IFT140: variants seen among roughly 807,000 people sequenced by gnomAD.
The protein encoded by IFT140 is intraflagellar transport protein 140 homolog.
IFT140 carries 133 observed loss-of-function variants against 164.6 expected under a neutral mutation model. The ratio of observed to expected loss-of-function variants is 0.81; its 90% confidence interval spans 0.70 to 0.93. The LOEUF (loss-of-function observed/expected upper bound fraction) is 0.93, where lower values mean the gene tolerates loss of function less well. IFT140 is among the 40% of genes least tolerant of loss of function. The probability of loss-of-function intolerance (pLI) is 0.00; values close to 1 mark genes in which losing one functional copy is unlikely to be tolerated. For synonymous variants in IFT140, 860 were observed against 817.3 expected, an observed-to-expected ratio of 1.05 and a Z score of -0.89; for missense variants, 2,045 against 1,972.3, an observed-to-expected ratio of 1.04 and a Z score of -0.70.
intron 14 of IFT140, 27 bp downstream of exon 14, chr16:1,571,380 A>T (rs759468034): frequency 6.2e-7 from 1 of 1,606,126 alleles, no homozygotes; most frequent in South Asian, 1.1e-5. Context: ...AAAAATGTTC[A>T]CACTTCTATT....
In IFT140 at chr16:1,597,047, T is replaced by A. The variant is rs531350000; in HGVS notation, c.370-4459A>T. On this transcript the variant is annotated intron_variant, in intron 4 of 30. Transcript: ENST00000426508. ...GAAAGTGGCGTGCGCTGGATGAGCGTCTTGGGGGTGCATCACGGCATCAGA... is the reference window on the plus strand; with the variant it reads ...GAAAGTGGCGTGCGCTGGATGAGCGACTTGGGGGTGCATCACGGCATCAGA... Among the ~76,000 whole-genome samples, 31 of 152,124 alleles carry A rather than the reference T, an allele frequency of 2.0e-4. No homozygotes were observed. The East Asian group carries it at 6.0e-3, about 29-fold the overall frequency.
In IFT140 at chr16:1,516,508, G is replaced by T. The variant is rs994328615; in HGVS notation, c.4182+1708C>A. ...ACTAAGGCCAGGTGCGGTGGCTCAC[G>T]CCTGTAATCCCAGCACTTTGGGAGG... On this transcript the variant is annotated intron_variant, in intron 30 of 30. Transcript: ENST00000426508. 4.6e-5 allele frequency among the ~76,000 whole-genome samples: 7 copies of T among 152,086 alleles called. No homozygotes were observed. In the East Asian group the frequency reaches 5.8e-4, roughly 13 times the overall value.
intron 19 of IFT140, among the ~76,000 whole-genome samples, chr16:1,548,680 GC>G (rs2032377535): frequency 6.6e-6 from 1 of 152,224 alleles, no homozygotes; most frequent in African/African-American, 2.4e-5. Flanking sequence ...TTTAGGGCCA[GC>G]CCCAGCCCTG....
intron 6 of IFT140, among the ~76,000 whole-genome samples, chr16:1,590,971 A>C (rs1460706337): frequency 6.6e-6 from 1 of 152,176 alleles, no homozygotes. Context: ...CTAGAGGTGA[A>C]TTGTGACACC....
At chr16:1,541,523 G>C (rs1231582108) in intron 19 of IFT140, 2 of 984,772 alleles carry the variant, frequency 2.0e-6, no homozygotes, top group African/African-American at 3.5e-5. Flanking sequence ...TGGATGCTGT[G>C]AATTCAGTGA....
intron 19 of IFT140, chr16:1,534,487 A>T: frequency 6.2e-7 from 1 of 1,610,322 alleles, no homozygotes; most frequent in Non-Finnish European, 8.5e-7. Context: ...GTGGACGCAC[A>T]TGACTGTGAG....
intron 25 of IFT140, 30 bp downstream of exon 25, chr16:1,523,798 C>T: frequency 6.2e-7 from 1 of 1,609,030 alleles, no homozygotes; most frequent in African/African-American, 1.3e-5. Context: ...CTGCCCCTCC[C>T]CCAGGTCCCC....
rs762191941 is a variant in IFT140 at position 1,526,677 on chromosome 16, T to C, written c.2519A>G (p.Glu840Gly). The change falls in exon 20 of 31, where the codon GAG becomes GGG. Residue 840 changes from glutamate (E) to glycine (G), a missense_variant. Glu to Gly is a moderately conservative substitution (Grantham distance 98). Transcript: ENST00000426508. ...GCGGGCCTCTAGCTCCGGCTCCTGC[T>C]CCGCCTCACGCAGCGCTCGGGCCCC... ...ARGARALREA[E>G]QEPELEARVA... The C allele has an allele frequency of 5.0e-6, 8 of 1,600,624 alleles. No homozygotes were observed. The highest frequency in any genetic ancestry group is 6.8e-6 in the Non-Finnish European group (8 of 1,176,520).
In IFT140 at chr16:1,587,297, C is replaced by G. The variant is rs755311835; in HGVS notation, c.910G>C (p.Asp304His). ...AVGEAALRFW[D>H]IERGENYILS... The stretch of plus-strand genomic sequence containing the variant: ...ATATAATTCTCTCCTCGTTCTATGT[C>G]CCAGAATCTACAACAGAAGAAAGCA... The change falls in exon 9 of 31, where the codon GAC becomes CAC. Residue 304 changes from aspartate to histidine, a missense_variant. Asp to His is a moderately conservative substitution (Grantham distance 81, BLOSUM62 -1). Transcript: ENST00000426508. 6.2e-6 allele frequency: 10 copies of G among 1,607,634 alleles called. No individual in the cohort carries two copies. Among genetic ancestry groups the G allele is most frequent in the Non-Finnish European group, 8.5e-6 (10 of 1,174,284 alleles).
At chr16:1,534,313 T>C (rs201425887) in intron 19 of IFT140, 4 of 1,612,606 alleles carry the variant, frequency 2.5e-6, no homozygotes, top group Non-Finnish European at 3.4e-6. Context: ...GCCGTGCTGG[T>C]GGCCCTGGTC....
intron 24 of IFT140, 147 bp from the exon 25 acceptor site, chr16:1,524,103 G>A: frequency 9.6e-7 from 1 of 1,037,992 alleles, no homozygotes; most frequent in South Asian, 1.7e-5. Context: ...TTAAGGAGCT[G>A]ATGACTTACT....
chr16:1,594,866 T>C (rs2035373444), intron 4 of IFT140, among the ~76,000 whole-genome samples: 2 of 152,260 alleles, frequency 1.3e-5, no homozygotes, highest in Admixed American at 1.3e-4. Context: ...GGGGGCCCTT[T>C]AGCCCACAGT....
chr16:1,609,916 G>A (rs1013932988), intron 2 of IFT140: 1 of 152,216 alleles, frequency 6.6e-6, no homozygotes, highest in Admixed American at 6.5e-5. Context: ...ATCAACTTTG[G>A]GGAACAGGAG....
At chr16:1,601,592 C>T (rs1203796666) in intron 4 of IFT140, among the ~76,000 whole-genome samples, 1 of 152,172 alleles carries the variant, frequency 6.6e-6, no homozygotes, top group Non-Finnish European at 1.5e-5. Context: ...GAACAGCGGG[C>T]GAATCGACAT....
chr16:1,576,951 T>C (rs754374953), intron 13 of IFT140: 3 of 152,334 alleles, frequency 2.0e-5, no homozygotes, highest in Non-Finnish European at 2.9e-5. Flanking sequence ...GAAGATCCCC[T>C]TAAAATGTTG....
At chr16:1,588,177 G>T (rs993863823) in intron 7 of IFT140, among the ~76,000 whole-genome samples, 153 bp from the exon 8 acceptor site, 1 of 152,174 alleles carries the variant, frequency 6.6e-6, no homozygotes, top group African/African-American at 2.4e-5. Context: ...CTGTGAGGTG[G>T]CTTTGGGTTT....
Position 1,551,552 on chromosome 16 carries a change from G to C in IFT140, c.2399+6383C>G, listed in dbSNP as rs191796236. 1.4e-3 allele frequency among the ~76,000 whole-genome samples: 215 copies of C among 152,314 alleles called. No homozygotes were observed. Among genetic ancestry groups the C allele is most frequent in the African/African-American group, 4.9e-3 (204 of 41,562 alleles). On this transcript the variant is annotated intron_variant, in intron 19 of 30. Coordinates refer to ENST00000426508, the MANE Select transcript of IFT140 (RefSeq NM_014714.4). This position sits in a 1 kb window ranked among gnomAD's most constrained non-coding sequence, Gnocchi z 4.0. ...CAGGATGTGAGTTTCATACAGATCA[G>C]GGTGCAGCGGTGGAGGGAGGGCCGC...
Position 1,551,791 on chromosome 16 carries a change from A to G in IFT140, c.2399+6144T>C, listed in dbSNP as rs2032661758. 6.6e-6 allele frequency among the ~76,000 whole-genome samples: 1 copy of G among 152,156 alleles called. No homozygotes were observed. Among genetic ancestry groups the G allele is most frequent in the Non-Finnish European group, 1.5e-5 (1 of 68,026 alleles). On this transcript the variant is annotated intron_variant, in intron 19 of 30. Coordinates refer to ENST00000426508, the MANE Select transcript of IFT140 (RefSeq NM_014714.4). This position sits in a 1 kb window ranked among gnomAD's most constrained non-coding sequence, Gnocchi z 4.0. ...TGCGTGGTCCGGCAGATCCGGCAAG[A>G]TCAACTCTGCGGGACCTCCCACCCG... is the stretch of plus-strand genomic sequence containing the variant.
chr16:1,594,406 A>C (rs2035345878), intron 4 of IFT140, among the ~76,000 whole-genome samples: 1 of 152,110 alleles, frequency 6.6e-6, no homozygotes, highest in South Asian at 2.1e-4. Flanking sequence ...TTTTCTGTAC[A>C]GATGGGGTCG....
Sources: allele counts gnomAD v4.1 joint callset (sites outside exome capture counted in the v4.1 genomes callset), GRCh38; gene constraint gnomAD v4.1.1; non-coding constraint Gnocchi (gnomAD v3.1); transcripts MANE v1.5; gene names NCBI Gene and HGNC (gene_info 2026-07-23, HGNC 2026-07-21).